SYNE2: variants seen among roughly 807,000 people sequenced by gnomAD.
The protein encoded by SYNE2 is spectrin repeat containing nuclear envelope protein 2.
Under a neutral mutation model 856.3 loss-of-function variants are expected in SYNE2, and 431 were observed. The ratio of observed to expected loss-of-function variants is 0.50; its 90% confidence interval spans 0.47 to 0.55. SYNE2 has a LOEUF of 0.55. SYNE2 is among the 20% of genes least tolerant of loss of function. The probability of loss-of-function intolerance (pLI) is 0.00; values close to 1 mark genes in which losing one functional copy is unlikely to be tolerated. For missense variants in SYNE2, 8,129 were observed against 8,023.2 expected (o/e 1.01, Z -0.50); for synonymous variants, 2,923 against 2,872.3 (o/e 1.02, Z -0.56).
intron 1 of SYNE2, among the ~76,000 whole-genome samples, chr14:63,789,286 C>T (rs1381828146): frequency 3.3e-5 from 5 of 152,198 alleles, no homozygotes; most frequent in African/African-American, 9.7e-5. Context: ...ACTCCCTTCA[C>T]TATCCTGGTG....
At chr14:64,168,833 A>G in intron 92 of SYNE2, 44 bp from the exon 93 acceptor site, 2 of 1,334,222 alleles carry the variant, frequency 1.5e-6, no homozygotes, top group Non-Finnish European at 2.2e-6. Context: ...GATTCATAAA[A>G]TGAATTTTAC....
intron 32 of SYNE2, among the ~76,000 whole-genome samples, chr14:64,014,962 T>TAC (rs1300833042): frequency 1.7e-3 from 77 of 45,334 alleles, no homozygotes; most frequent in African/African-American, 6.3e-3. Flanking sequence ...TATATATATA[T>TAC]ATATATATAT....
chr14:63,827,638 A>AAAAAAAAAAAAAC (rs1889493964), intron 1 of SYNE2, among the ~76,000 whole-genome samples: 1 of 102,086 alleles, frequency 9.8e-6, no homozygotes, highest in Non-Finnish European at 2.1e-5. Flanking sequence ...AAAAAAAAAA[A>AAAAAAAAAAAAAC]AAAAAAAAAA....
Position 64,178,619 on chromosome 14 carries a change from C to T in SYNE2, c.17556+1136C>T, listed in dbSNP as rs1030368183. 1.2e-4 allele frequency among the ~76,000 whole-genome samples: 18 copies of T among 152,220 alleles called. No individual in the cohort carries two copies. The East Asian group carries it at 1.9e-3, about 16-fold the overall frequency. On this transcript the variant is annotated intron_variant, in intron 96 of 115. Transcript: ENST00000555002. ...GAGTACAGGCATGCACCGCCATGCC[C>T]GGCTAATTTTTCTATTTTTTGTAGA...
intron 48 of SYNE2, 27 bp from the exon 49 acceptor site, chr14:64,055,917 C>A: frequency 1.3e-6 from 2 of 1,592,990 alleles, no homozygotes; most frequent in South Asian, 2.2e-5. Flanking sequence ...ACAATTTTGT[C>A]ACAGCATTTA....
At chr14:64,060,964 C>T (rs558222058) in intron 49 of SYNE2, among the ~76,000 whole-genome samples, 55 of 152,276 alleles carry the variant, frequency 3.6e-4, no homozygotes, top group African/African-American at 1.3e-3. Context: ...CCCACGTGCA[C>T]GGATTCTTTC....
chr14:63,961,617 G>A lies in SYNE2; in HGVS notation c.880G>A (p.Glu294Lys), dbSNP rs763527929. Reference sequence around the variant, plus strand: ...CAAAGATGCCCCTGGGACTGGAGAGGAGGCTCAGGTATGTTTTCATATGCA... The same window carrying A: ...CAAAGATGCCCCTGGGACTGGAGAGAAGGCTCAGGTATGTTTTCATATGCA... Reference protein sequence around the residue: ...YSKDAPGTGEEAQGKVKDAMG... With the variant: ...YSKDAPGTGEKAQGKVKDAMG... Residue 294 changes from glutamate (E) to lysine (K), a missense_variant, in exon 9 of 116, where the codon GAG (glutamate) becomes AAG (lysine). Physicochemically the swap from Glu to Lys is moderately conservative, Grantham distance 56 (BLOSUM62 1). Coordinates refer to ENST00000555002, the MANE Select transcript of SYNE2 (RefSeq NM_182914.3). 6.2e-7 allele frequency: 1 copy of A among 1,612,056 alleles called. No individual in the cohort carries two copies. Among genetic ancestry groups the A allele is most frequent in the Non-Finnish European group, 8.5e-7 (1 of 1,178,188 alleles).
chr14:63,859,094 A>G (rs964830192), intron 1 of SYNE2, among the ~76,000 whole-genome samples: 1 of 152,176 alleles, frequency 6.6e-6, no homozygotes, highest in African/African-American at 2.4e-5. Context: ...TGGTGTAGGG[A>G]CGAGGGGCAT....
At chr14:63,996,639 T>G (rs886582791) in intron 23 of SYNE2, among the ~76,000 whole-genome samples, 1 of 152,136 alleles carries the variant, frequency 6.6e-6, no homozygotes, top group Non-Finnish European at 1.5e-5. Context: ...CCTTATTTCT[T>G]CCACATATAG....
intron 8 of SYNE2, among the ~76,000 whole-genome samples, chr14:63,957,210 G>A (rs2096251669): frequency 6.7e-6 from 1 of 149,120 alleles, no homozygotes; most frequent in Admixed American, 6.7e-5. Context: ...CGATTCTTGT[G>A]CCTCAGCCTC....
intron 6 of SYNE2, among the ~76,000 whole-genome samples, chr14:63,944,517 CTTTTTTTTTTTTT>C: frequency 1.1e-5 from 1 of 90,132 alleles, no homozygotes; most frequent in South Asian, 3.5e-4. Context: ...TAAAGCCTTT[CTTTTTTTTTTTTT>C]TTTTTTTTTT....
chr14:63,840,449 T>TCCTC lies in SYNE2; in HGVS notation c.-304-12038_-304-12035dup, dbSNP rs1251523555. 3.7e-3 allele frequency among the ~76,000 whole-genome samples: 115 copies of TCCTC among 30,808 alleles called. 1 individual carries two copies. The highest frequency in any genetic ancestry group is 0.011 in the Admixed American group (24 of 2,116). 20.2% of individuals were successfully genotyped at this position (30,808 alleles called of 152,430 possible). ...TTCCTTCCTTCCTTCCTTCCTTCCT[T>TCCTC]CCTCCCTCCCTCCCTCCTTCCTTCC... On this transcript the variant is annotated intron_variant, in intron 1 of 23. Coordinates refer to the SYNE2 transcript ENST00000674003.
intron 74 of SYNE2, among the ~76,000 whole-genome samples, chr14:64,129,440 A>G (rs1201662555): frequency 6.6e-6 from 1 of 152,226 alleles, no homozygotes; most frequent in Non-Finnish European, 1.5e-5. Context: ...CCCTTACAAT[A>G]GCATGCTGTG....
In SYNE2 at chr14:63,814,262, T is replaced by G. The variant is rs367609368; in HGVS notation, c.-304-38239T>G. Among the ~76,000 whole-genome samples the G allele has an allele frequency of 8.6e-5, 13 of 150,920 alleles. No homozygotes were observed. In the East Asian group the frequency reaches 2.3e-3, roughly 27 times the overall value. On this transcript the variant is annotated intron_variant, in intron 1 of 23. Transcript: ENST00000674003. ...TCCAGTCTGGGCCACAGAGCGAGGC[T>G]CTGTCTTAAAAAAAAACAAAAACAA...
Position 64,027,804 on chromosome 14 carries a change from C to A in SYNE2, c.6714+11C>A. 6.2e-7 allele frequency: 1 copy of A among 1,604,098 alleles called. No homozygotes were observed. Among genetic ancestry groups the A allele is most frequent in the South Asian group, 1.1e-5 (1 of 90,774 alleles). ...CTTCAACAACTGCAGGTGAGGTGGT[C>A]AAAATAATGCTTTAAATGATTGTTC... On this transcript the variant is annotated intron_variant, in intron 43 of 115. Transcript: ENST00000555002.
chr14:63,987,073 G>A (rs1017654565), intron 19 of SYNE2, among the ~76,000 whole-genome samples: 1 of 152,118 alleles, frequency 6.6e-6, no homozygotes, highest in African/African-American at 2.4e-5. Context: ...CCAATATGGT[G>A]AAATCCCGTC....
intron 96 of SYNE2, among the ~76,000 whole-genome samples, chr14:64,181,352 A>C (rs544911427): frequency 1.1e-4 from 17 of 152,320 alleles, no homozygotes; most frequent in African/African-American, 4.1e-4. Flanking sequence ...GTAACAACGG[A>C]AATAATTTGG....
Position 64,000,697 on chromosome 14 carries a change from C to A in SYNE2, c.3616C>A (p.Leu1206Ile). 2.5e-6 allele frequency: 4 copies of A among 1,612,782 alleles called. No individual in the cohort carries two copies. Among genetic ancestry groups the A allele is most frequent in the South Asian group, 1.1e-5 (1 of 90,946 alleles). Residue 1206 changes from leucine to isoleucine, a missense_variant, in exon 28 of 116, where the codon CTT becomes ATT. By Grantham distance (5) the Leu-to-Ile change is conservative. Transcript: ENST00000555002. ...RDTLKERERELQMTLNTRMES... is the reference protein window; with the variant it reads ...RDTLKEREREIQMTLNTRMES... ...CACACTAAAGGAAAGAGAAAGAGAGCTTCAGATGACTCTTAATACCAGGTA... is the reference window on the plus strand; with the variant it reads ...CACACTAAAGGAAAGAGAAAGAGAGATTCAGATGACTCTTAATACCAGGTA...
At chr14:64,036,093 G>A (rs1454528762) in intron 45 of SYNE2, among the ~76,000 whole-genome samples, 2 of 151,536 alleles carry the variant, frequency 1.3e-5, no homozygotes, top group Admixed American at 1.3e-4. Flanking sequence ...AGAGGCTAAC[G>A]TGCTGACTGA....
Sources: gnomAD v4.1 joint callset for allele counts (sites outside exome capture counted in the v4.1 genomes callset) on GRCh38, gnomAD v4.1.1 for gene constraint, MANE v1.5 for transcripts, NCBI Gene and HGNC (gene_info 2026-07-23, HGNC 2026-07-21) for gene names.